The following CDKAL1 variants were observed in gnomAD, a reference collection of about 807,000 sequenced individuals.
CDKAL1 encodes the protein CDKAL1 threonylcarbamoyladenosine tRNA methylthiotransferase, also known as threonylcarbamoyladenosine tRNA methylthiotransferase.
In CDKAL1, 32 loss-of-function variants were observed where a neutral mutation model predicts 68.2. That is an observed-to-expected ratio of 0.47 (90% CI 0.35 to 0.63). The LOEUF is 0.63. Among genes scored for constraint, CDKAL1 ranks in the 30% least tolerant of loss-of-function variants. The pLI, the probability that CDKAL1 is intolerant of heterozygous loss-of-function variation, is 0.00. For missense variants in CDKAL1, 606 were observed against 696.7 expected, an observed-to-expected ratio of 0.87 and a Z score of 1.47; for synonymous variants, 234 against 244.3, an observed-to-expected ratio of 0.96 and a Z score of 0.39.
At chr6:20,854,803 A>G (rs1233209071) in intron 9 of CDKAL1, among the ~76,000 whole-genome samples, 3 of 152,232 alleles carry the variant, frequency 2.0e-5, no homozygotes, top group African/African-American at 4.8e-5. Flanking sequence ...TTTGTGCTCT[A>G]TAAAACAGTT....
chr6:20,664,418 C>T (rs192682453), intron 5 of CDKAL1, among the ~76,000 whole-genome samples: 4 of 152,224 alleles, frequency 2.6e-5, no homozygotes, highest in East Asian at 1.9e-4. Flanking sequence ...TCATAAATTT[C>T]GTTTCCATTA....
chr6:20,574,860 T>C (rs1764847998), intron 4 of CDKAL1, among the ~76,000 whole-genome samples: 1 of 152,150 alleles, frequency 6.6e-6, no homozygotes, highest in African/African-American at 2.4e-5. Context: ...TATGTTCAAA[T>C]GGTAGGTTAT....
intron 13 of CDKAL1, among the ~76,000 whole-genome samples, chr6:21,139,586 G>A (rs1775799903): frequency 6.6e-6 from 1 of 151,952 alleles, no homozygotes; most frequent in African/African-American, 2.4e-5. Context: ...ACGTGGCTCA[G>A]TGCAGCCTCA....
intron 6 of CDKAL1, among the ~76,000 whole-genome samples, chr6:20,742,087 T>C (rs1165590280): frequency 6.6e-5 from 10 of 152,200 alleles, no homozygotes; most frequent in Admixed American, 6.5e-4. Context: ...TTTCATATGC[T>C]TGTTAGCCGC....
chr6:21,217,294 CTT>C (rs57097019), intron 15 of CDKAL1, among the ~76,000 whole-genome samples: 440 of 142,848 alleles, frequency 3.1e-3, no homozygotes, highest in African/African-American at 9.6e-3. Context: ...ATTTCTTTTT[CTT>C]TTTTTTTTTT....
chr6:20,969,725 G>A (rs903828579), intron 10 of CDKAL1, among the ~76,000 whole-genome samples: 6 of 152,236 alleles, frequency 3.9e-5, no homozygotes, highest in Non-Finnish European at 7.4e-5. Flanking sequence ...GCTCCATCAG[G>A]TAGCTTATAA....
chr6:20,936,898 C>A (rs751915210), intron 9 of CDKAL1, among the ~76,000 whole-genome samples: 5 of 152,126 alleles, frequency 3.3e-5, no homozygotes, highest in East Asian at 1.9e-4. Context: ...TTAAATTTCA[C>A]CTGAAGCTCC....
chr6:20,589,120 A>G (rs2127698570), intron 4 of CDKAL1, among the ~76,000 whole-genome samples: 1 of 152,300 alleles, frequency 6.6e-6, no homozygotes, highest in East Asian at 1.9e-4. Context: ...GCAGCCACAC[A>G]GAGAAATTTT....
At chr6:20,633,432 A>T (rs1767760557) in intron 4 of CDKAL1, among the ~76,000 whole-genome samples, 1 of 152,198 alleles carries the variant, frequency 6.6e-6, no homozygotes, top group South Asian at 2.1e-4. Flanking sequence ...TTATCCATTT[A>T]TCACTTGATG....
chr6:20,890,131 C>T (rs1761313683), intron 9 of CDKAL1, among the ~76,000 whole-genome samples: 1 of 152,172 alleles, frequency 6.6e-6, no homozygotes, highest in Admixed American at 6.5e-5. Context: ...TAATCCTGAG[C>T]TTCGAAGATG....
At chr6:21,048,289 T>G (rs919606007) in intron 11 of CDKAL1, among the ~76,000 whole-genome samples, 1 of 152,206 alleles carries the variant, frequency 6.6e-6, no homozygotes, top group African/African-American at 2.4e-5. Context: ...ATTTGGCACA[T>G]GGGTTGTAGT....
intron 5 of CDKAL1, among the ~76,000 whole-genome samples, chr6:20,658,945 G>A (rs1769156594): frequency 6.6e-6 from 1 of 152,084 alleles, no homozygotes; most frequent in Non-Finnish European, 1.5e-5. Context: ...CTCATGAGTA[G>A]CTGGGACTAC....
intron 9 of CDKAL1, among the ~76,000 whole-genome samples, chr6:20,918,548 A>T (rs528864496): frequency 6.6e-5 from 10 of 152,342 alleles, no homozygotes; most frequent in Admixed American, 5.9e-4. Flanking sequence ...ATTCTTGTAC[A>T]TCACAAAAAG....
intron 13 of CDKAL1, among the ~76,000 whole-genome samples, chr6:21,134,909 T>C (rs1775509245): frequency 6.6e-6 from 1 of 152,122 alleles, no homozygotes; most frequent in Non-Finnish European, 1.5e-5. Context: ...CTTTTAACTG[T>C]TTCTTCCAAT....
At chr6:20,756,211 A>G (rs1288891303) in intron 6 of CDKAL1, 1 of 152,116 alleles carries the variant, frequency 6.6e-6, no homozygotes, top group Admixed American at 6.5e-5. Flanking sequence ...ACTGCAAAAA[A>G]AGAAATAAAT....
chr6:21,167,191 C>T (rs1029457471), intron 13 of CDKAL1, among the ~76,000 whole-genome samples: 5 of 152,112 alleles, frequency 3.3e-5, no homozygotes, highest in South Asian at 4.1e-4. Context: ...AACAAATGTG[C>T]GCTTAGTTTC....
intron 9 of CDKAL1, among the ~76,000 whole-genome samples, chr6:20,853,106 C>T (rs150140060): frequency 3.9e-5 from 6 of 152,274 alleles, no homozygotes; most frequent in East Asian, 3.9e-4. Context: ...ATAGACCAGT[C>T]GTGGTGGCTC....
intron 11 of CDKAL1, among the ~76,000 whole-genome samples, chr6:21,010,296 CTAA>C (rs1482967417): frequency 1.3e-5 from 2 of 152,276 alleles, no homozygotes; most frequent in East Asian, 3.9e-4. Context: ...AAATGAAATG[CTAA>C]TGCCAGTGGT....
intron 9 of CDKAL1, among the ~76,000 whole-genome samples, chr6:20,919,462 A>G (rs1762854147): frequency 6.6e-6 from 1 of 152,150 alleles, no homozygotes; most frequent in South Asian, 2.1e-4. Flanking sequence ...TACATGTGCC[A>G]TGGTGGTTTG....
Sources: allele counts gnomAD v4.1 joint callset (sites outside exome capture counted in the v4.1 genomes callset), GRCh38; gene constraint gnomAD v4.1.1; transcripts MANE v1.5; gene names NCBI Gene and HGNC (gene_info 2026-07-23, HGNC 2026-07-21).